GABRB1: variants seen among roughly 807,000 people sequenced by gnomAD.
GABRB1 encodes the protein gamma-aminobutyric acid receptor subunit beta-1.
A neutral mutation model predicts 51.6 loss-of-function variants in GABRB1; 17 were observed. The ratio of observed to expected loss-of-function variants is 0.33; its 90% CI spans 0.23 to 0.49. The LOEUF is 0.49. Among genes scored for constraint, GABRB1 ranks in the 20% least tolerant of loss-of-function variants. The pLI is 0.99. For missense variants in GABRB1, 410 were observed against 600.6 expected, an observed-to-expected ratio of 0.68 and a Z score of 3.32; for synonymous variants, 247 against 218.9, an observed-to-expected ratio of 1.13 and a Z score of -1.14.
At chr4:47,263,000 A>G (rs1271910207) in intron 4 of GABRB1, among the ~76,000 whole-genome samples, 1 of 138,076 alleles carries the variant, frequency 7.2e-6, no homozygotes, top group African/African-American at 2.7e-5. Flanking sequence ...CAGTGAGAAC[A>G]CATAGACACA....
intron 5 of GABRB1, among the ~76,000 whole-genome samples, chr4:47,394,313 A>G (rs1350582238): frequency 6.6e-6 from 1 of 152,252 alleles, no homozygotes; most frequent in Non-Finnish European, 1.5e-5. Context: ...TCAGGCTTTG[A>G]TCTATAAATA....
At chr4:47,072,645 G>A (rs1405329184) in intron 3 of GABRB1, among the ~76,000 whole-genome samples, 1 of 152,144 alleles carries the variant, frequency 6.6e-6, no homozygotes, top group Admixed American at 6.5e-5. Flanking sequence ...ATAAGGCAAT[G>A]CTGTGAATTT....
rs377487985 is a variant in GABRB1 at position 47,290,847 on chromosome 4, G to C, written c.462-29280G>C. Among the ~76,000 whole-genome samples, 3 of 152,116 alleles carry C rather than the reference G, an allele frequency of 2.0e-5. No individual in the cohort carries two copies. The East Asian group carries it at 5.8e-4, about 29-fold the overall frequency. ...CAGCAAAGCATTCAAAAGGTGACTT[G>C]GGTTCTGGTAAAGGCATTCAGTTTC... On this transcript the variant is annotated intron_variant, in intron 4 of 8. Transcript: ENST00000295454.
chr4:47,311,410 TCAA>T (rs1724675392), intron 4 of GABRB1, among the ~76,000 whole-genome samples: 1 of 87,214 alleles, frequency 1.1e-5, no homozygotes. Context: ...AGACTCTGTC[TCAA>T]AAAAAAAAAA....
chr4:47,173,850 C>T (rs1718544176), intron 4 of GABRB1, among the ~76,000 whole-genome samples: 1 of 152,142 alleles, frequency 6.6e-6, no homozygotes, highest in Admixed American at 6.5e-5. Flanking sequence ...TCTCCATTAT[C>T]CACCACATCA....
chr4:47,310,539 A>G (rs1319420069), intron 4 of GABRB1, among the ~76,000 whole-genome samples: 2 of 152,188 alleles, frequency 1.3e-5, no homozygotes, highest in African/African-American at 4.8e-5. Flanking sequence ...AATGTTACTG[A>G]AGCAAATCTT....
chr4:47,287,684 T>C (rs115896229), intron 4 of GABRB1, among the ~76,000 whole-genome samples: 3,412 of 152,352 alleles, frequency 0.022, 50 homozygotes, highest in Non-Finnish European at 0.035. Flanking sequence ...GGATAGCATA[T>C]AGCACAAGTG....
chr4:47,000,155 C>A (rs1724135263), intron 1 of GABRB1, among the ~76,000 whole-genome samples: 2 of 152,074 alleles, frequency 1.3e-5, no homozygotes, highest in African/African-American at 2.4e-5. Context: ...AATGATAATA[C>A]CTTCAGCCAA....
At chr4:47,223,380 A>T (rs1165299187) in intron 4 of GABRB1, among the ~76,000 whole-genome samples, 1 of 152,106 alleles carries the variant, frequency 6.6e-6, no homozygotes, top group Admixed American at 6.6e-5. Flanking sequence ...TGGAAAATAG[A>T]ACCTAGGTAG....
At chr4:47,167,620 T>A (rs1472840756) in intron 4 of GABRB1, among the ~76,000 whole-genome samples, 3 of 152,150 alleles carry the variant, frequency 2.0e-5, no homozygotes, top group Non-Finnish European at 4.4e-5. Flanking sequence ...AAAACTCATA[T>A]GGAAATGTAA....
intron 5 of GABRB1, among the ~76,000 whole-genome samples, chr4:47,359,506 G>A (rs746781037): frequency 6.6e-6 from 1 of 152,008 alleles, no homozygotes; most frequent in Non-Finnish European, 1.5e-5. Flanking sequence ...TAATCATAGA[G>A]AGTACTTTTG....
chr4:47,406,081 T>C lies in GABRB1; in HGVS notation c.836-601T>C, dbSNP rs543541095. 2.0e-5 allele frequency among the ~76,000 whole-genome samples: 3 copies of C among 152,228 alleles called. No individual in the cohort carries two copies. The South Asian group carries it at 6.2e-4, about 32-fold the overall frequency. On this transcript the variant is annotated intron_variant, in intron 7 of 8. Transcript: ENST00000295454. ...CAACAAGATTATAGTAAATGTAAAA[T>C]ATACATAAATCAAGCACTTGATACA...
intron 1 of GABRB1, among the ~76,000 whole-genome samples, chr4:47,005,488 A>G (rs1255189605): frequency 6.6e-6 from 1 of 152,070 alleles, no homozygotes; most frequent in Non-Finnish European, 1.5e-5. Flanking sequence ...TTTAAATGTC[A>G]GTGTATGCTG....
intron 5 of GABRB1, among the ~76,000 whole-genome samples, chr4:47,344,293 C>T (rs1726009406): frequency 6.6e-6 from 1 of 152,066 alleles, no homozygotes; most frequent in East Asian, 1.9e-4. Context: ...TTCTCTGGGG[C>T]AAGTCAACAA....
intron 3 of GABRB1, among the ~76,000 whole-genome samples, chr4:47,064,297 A>G (rs1726964130): frequency 6.6e-6 from 1 of 152,170 alleles, no homozygotes; most frequent in African/African-American, 2.4e-5. Flanking sequence ...TAACTAAAGT[A>G]GGATACTTTG....
At chr4:47,293,655 C>T (rs1387977741) in intron 4 of GABRB1, among the ~76,000 whole-genome samples, 1 of 152,128 alleles carries the variant, frequency 6.6e-6, no homozygotes, top group African/African-American at 2.4e-5. Context: ...GTTTCATAGT[C>T]ATGTAACAGT....
chr4:47,361,576 A>G (rs780367054), intron 5 of GABRB1, among the ~76,000 whole-genome samples: 4 of 152,150 alleles, frequency 2.6e-5, no homozygotes, highest in Non-Finnish European at 5.9e-5. Context: ...AATAGTGAAC[A>G]GTTTGGAGAA....
At chr4:47,407,785 G>A (rs560067515) in intron 8 of GABRB1, among the ~76,000 whole-genome samples, 22 of 152,088 alleles carry the variant, frequency 1.4e-4, no homozygotes, top group Admixed American at 1.3e-4. Flanking sequence ...ATATCAAAAG[G>A]ATAATTTTAG....
intron 3 of GABRB1, among the ~76,000 whole-genome samples, chr4:47,125,437 A>G (rs1051381061): frequency 6.6e-6 from 1 of 151,940 alleles, no homozygotes; most frequent in African/African-American, 2.4e-5. Context: ...AATTAAAAAT[A>G]CTCTAATACA....
Sources: allele counts gnomAD v4.1 joint callset (sites outside exome capture counted in the v4.1 genomes callset), GRCh38; gene constraint gnomAD v4.1.1; transcripts MANE v1.5; gene names NCBI Gene and HGNC (gene_info 2026-07-23, HGNC 2026-07-21).